Variants in UBE2E2 observed in about 807,000 individuals in gnomAD.
UBE2E2 encodes the protein ubiquitin conjugating enzyme E2 E2.
In UBE2E2, 6 loss-of-function variants were observed where a neutral mutation model predicts 24.7. The observed-to-expected ratio is 0.24, with a 90% CI of 0.13 to 0.48. The LOEUF is 0.48. Among genes scored for constraint, UBE2E2 ranks in the 20% least tolerant of loss-of-function variants. UBE2E2 has a pLI of 0.99. For missense variants in UBE2E2, 169 were observed against 245.0 expected (o/e 0.69, Z 2.07); for synonymous variants, 104 against 83.6 (o/e 1.24, Z -1.33).
rs546549313 is a variant in UBE2E2 at position 23,385,043 on chromosome 3, G to C, written c.228-114565G>C. Among the ~76,000 whole-genome samples, 9 of 152,008 alleles carry C rather than the reference G, an allele frequency of 5.9e-5. 1 individual carries two copies. The highest frequency in any genetic ancestry group is 5.2e-4 in the Admixed American group (8 of 15,282). On this transcript the variant is annotated intron_variant, in intron 3 of 5. Transcript: ENST00000396703. Reference sequence around the variant, plus strand: ...TCCCCCAGGTTCAAGTGATTCTCCTGCCTCAGCCTCCCAAGTAGCTGGGAC... The same window carrying C: ...TCCCCCAGGTTCAAGTGATTCTCCTCCCTCAGCCTCCCAAGTAGCTGGGAC...
chr3:23,414,970 T>G (rs1697587405), intron 3 of UBE2E2, among the ~76,000 whole-genome samples: 1 of 152,032 alleles, frequency 6.6e-6, no homozygotes, highest in African/African-American at 2.4e-5. Context: ...CGAAATGGAG[T>G]TAGAGTGTTT....
intron 3 of UBE2E2, among the ~76,000 whole-genome samples, chr3:23,429,863 A>G (rs919895402): frequency 1.3e-5 from 2 of 152,212 alleles, no homozygotes; most frequent in Admixed American, 6.5e-5. Flanking sequence ...ATTGCTTTCT[A>G]TATACCAGCA....
At chr3:23,389,995 C>T (rs992983661) in intron 3 of UBE2E2, 1 of 152,208 alleles carries the variant, frequency 6.6e-6, no homozygotes, top group African/African-American at 2.4e-5. Flanking sequence ...CCCAGTTCCT[C>T]ATTGATCTCA....
At chr3:23,340,242 A>G (rs1008465668) in intron 3 of UBE2E2, among the ~76,000 whole-genome samples, 6 of 152,114 alleles carry the variant, frequency 3.9e-5, no homozygotes, top group Admixed American at 3.3e-4. Flanking sequence ...TGCCTGTTTG[A>G]TAATCATGTT....
chr3:23,231,644 T>G (rs1182111030), intron 3 of UBE2E2, among the ~76,000 whole-genome samples: 1 of 152,102 alleles, frequency 6.6e-6, no homozygotes, highest in Non-Finnish European at 1.5e-5. Context: ...GATTGAGGGC[T>G]TAGTCCCAAA....
At chr3:23,470,824 T>A (rs529527577) in intron 3 of UBE2E2, among the ~76,000 whole-genome samples, 162 of 151,808 alleles carry the variant, frequency 1.1e-3, no homozygotes, top group Middle Eastern at 6.8e-3. Context: ...ATATATATAT[T>A]TTTTTTTGCG....
At chr3:23,573,097 C>G (rs960612976) in intron 5 of UBE2E2, among the ~76,000 whole-genome samples, 5 of 151,946 alleles carry the variant, frequency 3.3e-5, no homozygotes, top group African/African-American at 1.2e-4. Flanking sequence ...GATATCAAAC[C>G]CTACTATAAA....
intron 3 of UBE2E2, among the ~76,000 whole-genome samples, chr3:23,323,819 C>T (rs1186133264): frequency 3.3e-5 from 5 of 152,044 alleles, no homozygotes. Flanking sequence ...CTCTTATTCC[C>T]CTGTGCTTTC....
intron 3 of UBE2E2, among the ~76,000 whole-genome samples, chr3:23,478,101 C>T (rs1232614376): frequency 6.6e-6 from 1 of 152,204 alleles, no homozygotes; most frequent in Non-Finnish European, 1.5e-5. Flanking sequence ...ACTAATACAC[C>T]TATTCCGTCC....
chr3:23,325,352 A>C (rs929352136), intron 3 of UBE2E2, among the ~76,000 whole-genome samples: 2 of 152,190 alleles, frequency 1.3e-5, no homozygotes, highest in African/African-American at 2.4e-5. Flanking sequence ...TTACATACTA[A>C]TCTGAGGCTG....
intron 3 of UBE2E2, among the ~76,000 whole-genome samples, chr3:23,325,868 C>A (rs935047931): frequency 6.6e-6 from 1 of 152,156 alleles, no homozygotes; most frequent in African/African-American, 2.4e-5. Flanking sequence ...CACCCTTTTT[C>A]ACTTTCCAGT....
chr3:23,571,144 G>C (rs1196189212), intron 5 of UBE2E2, among the ~76,000 whole-genome samples: 1 of 151,712 alleles, frequency 6.6e-6, no homozygotes, highest in Admixed American at 6.6e-5. Context: ...TTCTATGTTT[G>C]TTTTTAATAT....
intron 5 of UBE2E2, among the ~76,000 whole-genome samples, chr3:23,557,282 T>G (rs1695814066): frequency 1.3e-5 from 2 of 152,244 alleles, no homozygotes; most frequent in South Asian, 4.1e-4. Flanking sequence ...GCTTTCATAC[T>G]ACATCATTTA....
intron 3 of UBE2E2, among the ~76,000 whole-genome samples, chr3:23,236,154 G>C (rs1352952519): frequency 6.6e-6 from 1 of 152,008 alleles, no homozygotes. Context: ...CCATGAAGTT[G>C]AGAGAAAAAG....
chr3:23,392,387 T>C (rs912129380), intron 3 of UBE2E2, among the ~76,000 whole-genome samples: 16 of 152,282 alleles, frequency 1.1e-4, no homozygotes, highest in African/African-American at 3.8e-4. Context: ...AGATAGTATT[T>C]GTAGTCTGGA....
intron 3 of UBE2E2, among the ~76,000 whole-genome samples, chr3:23,459,021 A>G (rs1234890165): frequency 6.6e-6 from 1 of 152,190 alleles, no homozygotes; most frequent in African/African-American, 2.4e-5. Context: ...TTCTGATTCC[A>G]TCTCATTTTT....
At chr3:23,564,194 C>T (rs1169384489) in intron 5 of UBE2E2, among the ~76,000 whole-genome samples, 1 of 151,878 alleles carries the variant, frequency 6.6e-6, no homozygotes, top group Non-Finnish European at 1.5e-5. Flanking sequence ...CATTTAGGGG[C>T]AATAGGTCTG....
At chr3:23,291,849 A>ATTTTTTTTTTTTTTTTTTTTTTTTTTT in intron 3 of UBE2E2, among the ~76,000 whole-genome samples, 1 of 64,054 alleles carries the variant, frequency 1.6e-5, no homozygotes, top group African/African-American at 7.1e-5. Context: ...TGCCCGGCTA[A>ATTTTTTTTTTTTTTTTTTTTTTTTTTT]TTTTTTTTTT....
At chr3:23,247,296 T>A (rs530230970) in intron 3 of UBE2E2, among the ~76,000 whole-genome samples, 7 of 152,354 alleles carry the variant, frequency 4.6e-5, no homozygotes, top group Admixed American at 2.0e-4. Flanking sequence ...GTCTTATTTT[T>A]TATTATCTGA....
Sources: gnomAD v4.1 joint callset for allele counts (sites outside exome capture counted in the v4.1 genomes callset) on GRCh38, gnomAD v4.1.1 for gene constraint, MANE v1.5 for transcripts, NCBI Gene and HGNC (gene_info 2026-07-23, HGNC 2026-07-21) for gene names.